Variants in CPA6 observed in about 807,000 individuals in gnomAD.
CPA6 encodes the protein carboxypeptidase A6.
In CPA6, 58 loss-of-function variants were observed where a neutral mutation model predicts 63.3. The ratio of observed to expected loss-of-function variants is 0.92; its 90% CI spans 0.74 to 1.14. The LOEUF is 1.14. Among genes scored for constraint, CPA6 ranks in the 50% most tolerant of loss-of-function variants. The pLI is 0.00. For synonymous variants in CPA6, 185 were observed against 179.0 expected (o/e 1.03, Z -0.27); for missense variants, 565 against 526.6 (o/e 1.07, Z -0.71).
chr8:67,683,835 G>T (rs1476709177), intron 1 of CPA6, among the ~76,000 whole-genome samples: 1 of 150,686 alleles, frequency 6.6e-6, no homozygotes, highest in East Asian at 1.9e-4. Flanking sequence ...TCTTCATATT[G>T]GGGGGAGGGG....
chr8:67,478,132 T>C (rs968863459), intron 8 of CPA6, among the ~76,000 whole-genome samples: 1 of 152,088 alleles, frequency 6.6e-6, no homozygotes, highest in Non-Finnish European at 1.5e-5. Flanking sequence ...CAATCACCAA[T>C]GGCCAGTGAT....
intron 1 of CPA6, among the ~76,000 whole-genome samples, chr8:67,740,157 G>A (rs532942819): frequency 6.6e-6 from 1 of 152,352 alleles, no homozygotes; most frequent in Non-Finnish European, 1.5e-5. Context: ...AGGAGGCACT[G>A]CTGATGACTA....
chr8:67,484,829 C>T (rs1162925275), intron 6 of CPA6, 40 bp from the exon 7 acceptor site: 4 of 1,142,934 alleles, frequency 3.5e-6, no homozygotes, highest in Middle Eastern at 2.3e-4. Flanking sequence ...AAATTGGTCC[C>T]CAAAAGAGGA....
chr8:67,444,411 T>C (rs992096162), intron 8 of CPA6, among the ~76,000 whole-genome samples: 5 of 152,106 alleles, frequency 3.3e-5, no homozygotes, highest in Non-Finnish European at 7.4e-5. Flanking sequence ...AGATTTCTAA[T>C]GGGGTACTAA....
intron 8 of CPA6, among the ~76,000 whole-genome samples, chr8:67,477,493 T>TA (rs1811268820): frequency 6.6e-6 from 1 of 152,182 alleles, no homozygotes; most frequent in Non-Finnish European, 1.5e-5. Flanking sequence ...GGATCCCAGA[T>TA]AATTTCTTAG....
chr8:67,702,808 G>A (rs1263062591), intron 1 of CPA6, among the ~76,000 whole-genome samples: 1 of 152,220 alleles, frequency 6.6e-6, no homozygotes, highest in African/African-American at 2.4e-5. Flanking sequence ...CAGGGGAGAA[G>A]AGACACAAAT....
At chr8:67,563,875 C>G (rs117769536) in intron 2 of CPA6, among the ~76,000 whole-genome samples, 2,752 of 152,284 alleles carry the variant, frequency 0.018, 53 homozygotes, top group Non-Finnish European at 0.03. Flanking sequence ...CACCTTCCCT[C>G]ACTCCCATGA....
At chr8:67,740,995 G>C (rs79359138) in intron 1 of CPA6, among the ~76,000 whole-genome samples, 1,736 of 152,294 alleles carry the variant, frequency 0.011, 32 homozygotes, top group African/African-American at 0.039. Context: ...CACAGCATGG[G>C]TGTGGCTAAC....
intron 2 of CPA6, among the ~76,000 whole-genome samples, chr8:67,580,995 G>T (rs1813756585): frequency 6.6e-6 from 1 of 152,152 alleles, no homozygotes; most frequent in African/African-American, 2.4e-5. Flanking sequence ...GAGGGGAGTA[G>T]CACTCCCGAG....
At position 67,518,056 on chromosome 8, in the gene CPA6, C is replaced by T; in HGVS notation, c.193-9G>A. The T allele has an allele frequency of 1.3e-6, 2 of 1,573,622 alleles. No homozygotes were observed. Among genetic ancestry groups the T allele is most frequent in the Non-Finnish European group, 1.7e-6 (2 of 1,162,882 alleles). On this transcript the variant is annotated splice_polypyrimidine_tract_variant and intron_variant, in intron 2 of 10. Coordinates refer to ENST00000297770, the MANE Select transcript of CPA6 (RefSeq NM_020361.5). ...GGCTGCCACAGGTCCACCTGTAGTGCAGGAACCAACCTATAATTCATATCC... is the reference window on the plus strand; with the variant it reads ...GGCTGCCACAGGTCCACCTGTAGTGTAGGAACCAACCTATAATTCATATCC...
intron 6 of CPA6, among the ~76,000 whole-genome samples, chr8:67,504,525 C>T (rs138993763): frequency 1.1e-4 from 16 of 152,276 alleles, no homozygotes; most frequent in South Asian, 1.0e-3. Flanking sequence ...CCAGGTGCCA[C>T]GTTTTCAGCT....
At chr8:67,585,553 A>G (rs563545079) in intron 2 of CPA6, among the ~76,000 whole-genome samples, 1 of 152,294 alleles carries the variant, frequency 6.6e-6, no homozygotes, top group South Asian at 2.1e-4. Context: ...GAAGGCTTCT[A>G]TTGTTAGATC....
At chr8:67,577,153 C>T (rs1354981973) in intron 2 of CPA6, among the ~76,000 whole-genome samples, 2 of 152,100 alleles carry the variant, frequency 1.3e-5, no homozygotes, top group Non-Finnish European at 2.9e-5. Flanking sequence ...CCTAGCCCAG[C>T]CTGAGTCATT....
chr8:67,429,921 G>A (rs576419005), intron 9 of CPA6, among the ~76,000 whole-genome samples: 1 of 152,242 alleles, frequency 6.6e-6, no homozygotes, highest in South Asian at 2.1e-4. Context: ...ACTGGTGCGT[G>A]TTGACTAGGG....
rs1156399750 is a variant in CPA6 at position 67,637,258 on chromosome 8, A to T, written c.117-13007T>A. On this transcript the variant is annotated intron_variant, in intron 1 of 10. Transcript: ENST00000297770. ...GATCAATAAATATTTGCTGAGTTGA[A>T]TTGAAATTGGCTTTTTGTAAACCAC... 4.6e-5 allele frequency among the ~76,000 whole-genome samples: 7 copies of T among 151,698 alleles called. 2 individuals are homozygous for T. The highest frequency in any genetic ancestry group is 1.7e-4 in the African/African-American group (7 of 40,960).
At chr8:67,593,712 G>A (rs1260807007) in intron 2 of CPA6, among the ~76,000 whole-genome samples, 1 of 150,758 alleles carries the variant, frequency 6.6e-6, no homozygotes, top group Non-Finnish European at 1.5e-5. Context: ...TGCAACCCCT[G>A]CCTTTTTTTG....
At chr8:67,527,666 A>G (rs1812393054) in intron 2 of CPA6, among the ~76,000 whole-genome samples, 1 of 152,242 alleles carries the variant, frequency 6.6e-6, no homozygotes, top group Non-Finnish European at 1.5e-5. Flanking sequence ...CCTACTTTGA[A>G]GATCAGAAAA....
intron 10 of CPA6, among the ~76,000 whole-genome samples, chr8:67,422,909 G>C (rs1025048350): frequency 6.6e-6 from 1 of 152,160 alleles, no homozygotes; most frequent in African/African-American, 2.4e-5. Flanking sequence ...CAGTCTACGT[G>C]TGAATGCCTT....
intron 1 of CPA6, among the ~76,000 whole-genome samples, chr8:67,723,054 T>A (rs935061835): frequency 2.0e-5 from 3 of 152,082 alleles, no homozygotes; most frequent in African/African-American, 7.2e-5. Context: ...AAACTCTATT[T>A]TCATTTTAAA....
Sources: allele counts gnomAD v4.1 joint callset (sites outside exome capture counted in the v4.1 genomes callset), GRCh38; gene constraint gnomAD v4.1.1; transcripts MANE v1.5; gene names NCBI Gene and HGNC (gene_info 2026-07-23, HGNC 2026-07-21).